Variants in RNF157 observed in about 807,000 individuals in gnomAD.
RNF157 encodes the protein E3 ubiquitin ligase RNF157.
A neutral mutation model predicts 88.3 loss-of-function variants in RNF157; 55 were observed. The observed-to-expected ratio is 0.62, with a 90% CI of 0.50 to 0.78. The LOEUF (loss-of-function observed/expected upper bound fraction) is 0.78. RNF157 is among the 30% of genes least tolerant of loss of function. RNF157 has a pLI of 0.00. For missense variants in RNF157, 788 were observed against 860.8 expected (o/e 0.92, Z 1.06); for synonymous variants, 334 against 341.2 (o/e 0.98, Z 0.23).
In RNF157 at chr17:76,209,946, G is replaced by A. The variant is rs568470102; in HGVS notation, c.207+2418C>T. ...AGCTAATTTTTGTATTTTTAGTAGA[G>A]ATGGGGTTTCACCACATTGGTCAGG... On this transcript the variant is annotated intron_variant, in intron 2 of 18. Transcript: ENST00000269391. 4.6e-5 allele frequency among the ~76,000 whole-genome samples: 7 copies of A among 152,186 alleles called. No individual in the cohort carries two copies. The South Asian group carries it at 1.2e-3, about 27-fold the overall frequency.
chr17:76,234,475 C>T (rs1598452156), intron 1 of RNF157, among the ~76,000 whole-genome samples: 2 of 152,180 alleles, frequency 1.3e-5, no homozygotes, highest in East Asian at 1.9e-4. Flanking sequence ...CCCCATTTTA[C>T]ATTCACACCG....
intron 2 of RNF157, among the ~76,000 whole-genome samples, chr17:76,192,881 C>A (rs1197118347): frequency 6.7e-6 from 1 of 148,296 alleles, no homozygotes; most frequent in Non-Finnish European, 1.5e-5. Flanking sequence ...CGCTCTCTTG[C>A]ACAGGGTGAC....
At position 76,174,418 on chromosome 17, in the gene RNF157, G is replaced by A. The variant is rs768383653; in HGVS notation, c.208-628C>T. Among the ~76,000 whole-genome samples, 42 of 152,240 alleles carry A rather than the reference G, an allele frequency of 2.8e-4. 1 individual carries two copies. The highest frequency in any genetic ancestry group is 5.0e-4 in the Non-Finnish European group (34 of 68,018). Reference sequence around the variant, plus strand: ...CCATCCGCTTCTTCCCCCTTTGCCCGTTTAGACCTTTGGATTTGAAGTTCT... The same window carrying A: ...CCATCCGCTTCTTCCCCCTTTGCCCATTTAGACCTTTGGATTTGAAGTTCT... On this transcript the variant is annotated intron_variant, in intron 2 of 18. Coordinates refer to ENST00000269391, the MANE Select transcript of RNF157 (RefSeq NM_052916.3).
At chr17:76,213,816 A>G (rs1238904401) in intron 1 of RNF157, among the ~76,000 whole-genome samples, 1 of 152,136 alleles carries the variant, frequency 6.6e-6, no homozygotes, top group African/African-American at 2.4e-5. Context: ...CAACCATGCT[A>G]TGTAATGAAG....
chr17:76,174,664 G>A (rs1280870478), intron 2 of RNF157, among the ~76,000 whole-genome samples: 1 of 152,220 alleles, frequency 6.6e-6, no homozygotes, highest in African/African-American at 2.4e-5. Context: ...TACCTCCATA[G>A]TGTGGTATCA....
Position 76,178,319 on chromosome 17 carries a change from C to T in RNF157, c.208-4529G>A, listed in dbSNP as rs138629684. Among the ~76,000 whole-genome samples, 428 of 152,364 alleles carry T rather than the reference C, an allele frequency of 2.8e-3. 4 individuals carry two copies. Among genetic ancestry groups the T allele is most frequent in the African/African-American group, 9.8e-3 (407 of 41,588 alleles). The stretch of plus-strand genomic sequence containing the variant: ...TCCCTGGTGCCAACCGGGAGAGCTG[C>T]TTGCAGTGCACCTGGTCCAGCCACA... On this transcript the variant is annotated intron_variant, in intron 2 of 18. Coordinates refer to ENST00000269391, the MANE Select transcript of RNF157 (RefSeq NM_052916.3).
rs185860408 is a variant in RNF157, at chr17:76,144,576, G to C, written c.*659C>G. On this transcript the variant is annotated 3_prime_UTR_variant, in exon 19 of 19. Coordinates refer to ENST00000269391, the MANE Select transcript of RNF157 (RefSeq NM_052916.3). Reference sequence around the variant, plus strand: ...CCCGCCTCGGCCTCCCAAAGTGCTGGGATTACAGGCGTGAGCCACCGCGCC... The same window carrying C: ...CCCGCCTCGGCCTCCCAAAGTGCTGCGATTACAGGCGTGAGCCACCGCGCC... 6.6e-6 allele frequency: 1 copy of C among 152,240 alleles called. No individual in the cohort carries two copies. The highest frequency in any genetic ancestry group is 1.5e-5 in the Non-Finnish European group (1 of 68,118). 9.4% of individuals were successfully genotyped at this position (152,240 alleles called of 1,614,324 possible).
chr17:76,181,799 T>C (rs904633324), intron 2 of RNF157, among the ~76,000 whole-genome samples: 11 of 148,844 alleles, frequency 7.4e-5, no homozygotes, highest in African/African-American at 2.5e-4. Context: ...TCCCAGTTAC[T>C]CAGAAGGCTG....
intron 2 of RNF157, among the ~76,000 whole-genome samples, chr17:76,178,069 T>C (rs1210667538): frequency 3.9e-5 from 6 of 152,338 alleles, no homozygotes; most frequent in Admixed American, 6.5e-5. Context: ...TTCTTCCTTG[T>C]TGCAGGACAA....
chr17:76,209,863 G>A (rs1251065069), intron 2 of RNF157, among the ~76,000 whole-genome samples: 1 of 152,040 alleles, frequency 6.6e-6, no homozygotes, highest in East Asian at 1.9e-4. Flanking sequence ...GGGTTCAAGC[G>A]ATTCTCCTGC....
At chr17:76,214,154 T>G (rs2145031772) in intron 1 of RNF157, among the ~76,000 whole-genome samples, 1 of 152,210 alleles carries the variant, frequency 6.6e-6, no homozygotes, top group South Asian at 2.1e-4. Context: ...GGGGCAGTCT[T>G]GTGAGATTGC....
intron 2 of RNF157, among the ~76,000 whole-genome samples, chr17:76,198,294 T>C (rs560358706): frequency 3.5e-4 from 53 of 152,240 alleles, no homozygotes; most frequent in African/African-American, 1.2e-3. Flanking sequence ...CATTCTCTTA[T>C]GACACAGAAT....
chr17:76,230,858 AAG>A (rs1157555551), intron 1 of RNF157, among the ~76,000 whole-genome samples: 2,074 of 54,986 alleles, frequency 0.038, 89 homozygotes, highest in African/African-American at 0.14. Context: ...AAAAAAAAAA[AAG>A]AGAGAGAGAG....
chr17:76,149,209 A>C (rs962137763), intron 18 of RNF157, among the ~76,000 whole-genome samples: 2 of 152,068 alleles, frequency 1.3e-5, no homozygotes, highest in African/African-American at 4.8e-5. Flanking sequence ...CAGTGTTATC[A>C]GAGTGGTGAG....
chr17:76,174,642 T>C (rs2069074725), intron 2 of RNF157, among the ~76,000 whole-genome samples: 1 of 152,220 alleles, frequency 6.6e-6, no homozygotes, highest in Non-Finnish European at 1.5e-5. Context: ...TTCTCTTGGC[T>C]CAAGAAGAGT....
intron 16 of RNF157, 119 bp downstream of exon 16, chr17:76,155,132 TC>T: frequency 2.5e-6 from 2 of 800,068 alleles, no homozygotes; most frequent in South Asian, 3.1e-5. Context: ...TCTAGGCATG[TC>T]CCCTAGGAAG....
At chr17:76,155,803 C>G (rs1403355793) in intron 14 of RNF157, 69 bp from the exon 15 acceptor site, 1 of 1,315,090 alleles carries the variant, frequency 7.6e-7, no homozygotes. Flanking sequence ...TTCTGGGGAG[C>G]AGAGCCCTCT....
chr17:76,214,237 T>C (rs2069850862), intron 1 of RNF157, among the ~76,000 whole-genome samples: 1 of 152,190 alleles, frequency 6.6e-6, no homozygotes, highest in Non-Finnish European at 1.5e-5. Flanking sequence ...GACACCCAGC[T>C]GGTGTCCTCT....
rs989078048 is a variant in RNF157, at chr17:76,226,392, T to C, written c.88+13761A>G. 8 of 1,593,168 alleles carry C rather than the reference T, an allele frequency of 5.0e-6. No homozygotes were observed. The African/African-American group carries it at 1.1e-4, about 22-fold the overall frequency. On this transcript the variant is annotated intron_variant, in intron 1 of 18. Transcript: ENST00000269391. ...CTTTCTGGGAGATGGCCAATTGGGT[T>C]CACCATCTGGGGGGGCACCTTATTA...
Sources: gnomAD v4.1 joint callset for allele counts (sites outside exome capture counted in the v4.1 genomes callset) on GRCh38, gnomAD v4.1.1 for gene constraint, MANE v1.5 for transcripts, NCBI Gene and HGNC (gene_info 2026-07-23, HGNC 2026-07-21) for gene names.